KIAA0825: variants seen among roughly 807,000 people sequenced by gnomAD.
KIAA0825 encodes the protein KIAA0825.
In KIAA0825, 119 loss-of-function variants were observed where a neutral mutation model predicts 147.6. The ratio of observed to expected loss-of-function variants is 0.81; its 90% CI spans 0.69 to 0.94. The LOEUF (loss-of-function observed/expected upper bound fraction) is 0.94, where lower values mean the gene tolerates loss of function less well. Ranked by LOEUF, KIAA0825 falls within the 40% of genes least tolerant of loss-of-function variation. The pLI is 0.00. For missense variants in KIAA0825, 1,381 were observed against 1,472.7 expected, an observed-to-expected ratio of 0.94 and a Z score of 1.02; for synonymous variants, 470 against 518.1, an observed-to-expected ratio of 0.91 and a Z score of 1.26.
intron 20 of KIAA0825, among the ~76,000 whole-genome samples, chr5:94,344,984 G>C (rs1201127273): frequency 6.6e-6 from 1 of 152,106 alleles, no homozygotes; most frequent in Admixed American, 6.5e-5. Context: ...AAGATGGATG[G>C]TGGTAGTGAT....
intron 13 of KIAA0825, 65 bp downstream of exon 13, chr5:94,452,894 A>T (rs985789345): frequency 6.3e-5 from 56 of 888,014 alleles, no homozygotes; most frequent in Non-Finnish European, 8.6e-5. Flanking sequence ...CATTGATAAA[A>T]ATTTCTATTA....
intron 20 of KIAA0825, among the ~76,000 whole-genome samples, chr5:94,278,317 A>G (rs1218170812): frequency 6.6e-6 from 1 of 152,180 alleles, no homozygotes; most frequent in African/African-American, 2.4e-5. Context: ...AATTGCCTCT[A>G]GCAATCAATT....
At chr5:94,504,867 C>A (rs1765548054) in intron 5 of KIAA0825, among the ~76,000 whole-genome samples, 1 of 151,400 alleles carries the variant, frequency 6.6e-6, no homozygotes, top group Admixed American at 6.6e-5. Context: ...CCTGCCTCAG[C>A]CTCCCAAGTA....
chr5:94,406,381 G>A (rs781016616), intron 15 of KIAA0825, among the ~76,000 whole-genome samples: 4 of 152,174 alleles, frequency 2.6e-5, no homozygotes, highest in Non-Finnish European at 5.9e-5. Flanking sequence ...CATAGTCTAT[G>A]TAGTAATATA....
intron 2 of KIAA0825, among the ~76,000 whole-genome samples, chr5:94,573,046 G>A (rs899413817): frequency 7.9e-6 from 1 of 125,916 alleles, no homozygotes; most frequent in Non-Finnish European, 1.6e-5. Context: ...ATTTTAGGGA[G>A]AAATGAGACA....
At position 94,154,126 on chromosome 5, in the gene KIAA0825, TA is replaced by T; in HGVS notation, c.3711-3del. 1 of 1,535,864 alleles carries T rather than the reference TA, an allele frequency of 6.5e-7. No homozygotes were observed. The highest frequency in any genetic ancestry group is 8.8e-7 in the Non-Finnish European group (1 of 1,132,786). ...GTTTCATCCTTCTTCATTTCCCACCTAAAAGAAAAATCACATCTTAGCATTT... is the reference window on the plus strand; with the variant it reads ...GTTTCATCCTTCTTCATTTCCCACCTAAAGAAAAATCACATCTTAGCATTT... On this transcript the variant is annotated splice_polypyrimidine_tract_variant and splice_region_variant and intron_variant, in intron 20 of 20. Transcript: ENST00000682413.
chr5:94,439,855 C>G, intron 14 of KIAA0825, 127 bp downstream of exon 14: 1 of 964,962 alleles, frequency 1.0e-6, no homozygotes, highest in Non-Finnish European at 1.5e-6. Flanking sequence ...GCTGCTAACC[C>G]AGCTGAATGT....
chr5:94,511,997 A>AAT, intron 5 of KIAA0825, among the ~76,000 whole-genome samples: 1 of 152,164 alleles, frequency 6.6e-6, no homozygotes, highest in East Asian at 1.9e-4. Flanking sequence ...CTCAAAAAAA[A>AAT]AATAATAATA....
intron 1 of KIAA0825, among the ~76,000 whole-genome samples, chr5:94,588,254 C>T (rs892110479): frequency 7.2e-5 from 11 of 152,228 alleles, no homozygotes; most frequent in Admixed American, 6.5e-4. Flanking sequence ...AGTGAACAGG[C>T]AACCTACAGA....
intron 20 of KIAA0825, among the ~76,000 whole-genome samples, chr5:94,264,983 A>G (rs1250974091): frequency 6.6e-6 from 1 of 151,790 alleles, no homozygotes; most frequent in Admixed American, 6.6e-5. Context: ...GGGTTTTTCC[A>G]TGTTGCCCAG....
chr5:94,612,618 T>C (rs897109780), intron 1 of KIAA0825, among the ~76,000 whole-genome samples: 2 of 152,200 alleles, frequency 1.3e-5, no homozygotes, highest in Admixed American at 6.5e-5. Flanking sequence ...ACAAATAAAG[T>C]GCCTTACTAC....
intron 5 of KIAA0825, among the ~76,000 whole-genome samples, chr5:94,490,884 G>A (rs185159251): frequency 6.6e-6 from 1 of 152,186 alleles, no homozygotes; most frequent in African/African-American, 2.4e-5. Context: ...GGGACATTAG[G>A]TCTCCTCACA....
intron 20 of KIAA0825, among the ~76,000 whole-genome samples, chr5:94,289,538 A>AG (rs1247736065): frequency 1.3e-5 from 2 of 150,920 alleles, no homozygotes; most frequent in Non-Finnish European, 3.0e-5. Flanking sequence ...CCATCTGGAA[A>AG]AAAAAAAAAA....
At chr5:94,201,884 T>C (rs997301760) in intron 20 of KIAA0825, among the ~76,000 whole-genome samples, 16 of 152,154 alleles carry the variant, frequency 1.1e-4, no homozygotes, top group African/African-American at 3.4e-4. Context: ...GGTCAGTGGA[T>C]AGATAATTAC....
intron 20 of KIAA0825, among the ~76,000 whole-genome samples, chr5:94,316,729 T>C (rs1340436102): frequency 1.3e-5 from 2 of 151,844 alleles, no homozygotes; most frequent in Admixed American, 6.6e-5. Context: ...TGGGGCAGTA[T>C]GCTTTTGCAT....
chr5:94,507,617 C>T (rs1041016596), intron 5 of KIAA0825, among the ~76,000 whole-genome samples: 1 of 151,536 alleles, frequency 6.6e-6, no homozygotes, highest in Admixed American at 6.6e-5. Context: ...CTCAGTGACC[C>T]AGTCAAATAA....
intron 20 of KIAA0825, among the ~76,000 whole-genome samples, chr5:94,186,714 G>T (rs956993429): frequency 1.3e-5 from 2 of 152,188 alleles, no homozygotes; most frequent in Admixed American, 1.3e-4. Context: ...GAGCTACTGA[G>T]ATCAAAGCAT....
At chr5:94,576,624 T>G (rs1196374497) in intron 2 of KIAA0825, among the ~76,000 whole-genome samples, 1 of 152,158 alleles carries the variant, frequency 6.6e-6, no homozygotes, top group Non-Finnish European at 1.5e-5. Context: ...CTGCAAGAAA[T>G]ACATTCCTTT....
intron 2 of KIAA0825, among the ~76,000 whole-genome samples, chr5:94,539,667 C>A (rs1223261469): frequency 6.6e-6 from 1 of 152,048 alleles, no homozygotes; most frequent in Non-Finnish European, 1.5e-5. Context: ...GGGTTAGAGG[C>A]TCAACTTAGG....
Sources: gnomAD v4.1 joint callset for allele counts (sites outside exome capture counted in the v4.1 genomes callset) on GRCh38, gnomAD v4.1.1 for gene constraint, MANE v1.5 for transcripts, NCBI Gene and HGNC (gene_info 2026-07-23, HGNC 2026-07-21) for gene names.